The following LMO7 variants were observed in gnomAD, a reference collection of about 807,000 sequenced individuals.
LMO7 encodes LIM domain only protein 7.
In LMO7, 120 loss-of-function variants were observed where a neutral mutation model predicts 206.5. That is an observed-to-expected ratio of 0.58 (90% CI 0.50 to 0.68). The LOEUF is 0.68. LMO7 is among the 30% of genes least tolerant of loss of function. The pLI is 0.00. For synonymous variants in LMO7, 706 were observed against 681.5 expected, an observed-to-expected ratio of 1.04 and a Z score of -0.56; for missense variants, 1,959 against 1,957.9, an observed-to-expected ratio of 1.00 and a Z score of -0.01.
At chr13:75,707,246 C>A (rs2042726370) in intron 1 of LMO7, among the ~76,000 whole-genome samples, 1 of 151,508 alleles carries the variant, frequency 6.6e-6, no homozygotes, top group Non-Finnish European at 1.5e-5. Flanking sequence ...GGAATAATTA[C>A]TGTTAGTATA....
At chr13:75,810,126 C>G (rs2056157130) in intron 11 of LMO7, among the ~76,000 whole-genome samples, 1 of 152,182 alleles carries the variant, frequency 6.6e-6, no homozygotes, top group African/African-American at 2.4e-5. Flanking sequence ...ACTACATTTA[C>G]AGTAAATCAT....
intron 11 of LMO7, among the ~76,000 whole-genome samples, chr13:75,812,194 A>G (rs1049355204): frequency 1.3e-5 from 2 of 152,182 alleles, no homozygotes; most frequent in African/African-American, 4.8e-5. Flanking sequence ...CCCTACAACA[A>G]ATAGTTTTCT....
In LMO7 at chr13:75,817,087, A is replaced by G. The variant is rs553903570; in HGVS notation, c.1947-74A>G. The stretch of plus-strand genomic sequence containing the variant: ...AAATTTAGGTGGAATTTCCAAATTT[A>G]ACTCCAACCTCAGTTTAACCCCTAA... On this transcript the variant is annotated intron_variant, in intron 11 of 30. Coordinates refer to ENST00000377534, the MANE Select transcript of LMO7 (RefSeq NM_001306080.2). 1.4e-5 allele frequency: 14 copies of G among 1,019,780 alleles called. No individual in the cohort carries two copies. In the African/African-American group the frequency reaches 2.3e-4, roughly 16 times the overall value. The allele number at this position is 1,019,780 out of a possible 1,614,324, so 63.2% of individuals were successfully genotyped here.
chr13:75,724,838 AAC>A (rs1480389746), intron 2 of LMO7, among the ~76,000 whole-genome samples: 2 of 152,142 alleles, frequency 1.3e-5, no homozygotes, highest in African/African-American at 4.8e-5. Context: ...AACAAAATAA[AAC>A]AGAGTTTTCC....
intron 4 of LMO7, among the ~76,000 whole-genome samples, chr13:75,771,540 A>G (rs2049670993): frequency 3.3e-5 from 1 of 30,290 alleles, no homozygotes; most frequent in Non-Finnish European, 6.9e-5. Flanking sequence ...TAAAAATAGA[A>G]TTAGTCTTTA....
At chr13:75,824,139 T>C (rs1419836893) in intron 15 of LMO7, among the ~76,000 whole-genome samples, 2 of 152,124 alleles carry the variant, frequency 1.3e-5, no homozygotes, top group Non-Finnish European at 2.9e-5. Flanking sequence ...TTCTCTATAT[T>C]CCATGTTTCA....
intron 1 of LMO7, among the ~76,000 whole-genome samples, chr13:75,707,724 T>C (rs2042763884): frequency 6.6e-6 from 1 of 152,192 alleles, no homozygotes; most frequent in East Asian, 1.9e-4. Flanking sequence ...ATTTAAAACC[T>C]TTGTTTAGTT....
intron 1 of LMO7, among the ~76,000 whole-genome samples, chr13:75,702,043 G>T (rs2042317655): frequency 6.6e-6 from 1 of 152,036 alleles, no homozygotes; most frequent in Admixed American, 6.6e-5. Flanking sequence ...TAAGCTAAAA[G>T]TTGGCTATGG....
chr13:75,681,730 A>ATG (rs1566304877), intron 1 of LMO7, among the ~76,000 whole-genome samples: 1 of 130,320 alleles, frequency 7.7e-6, no homozygotes, highest in Non-Finnish European at 1.6e-5. Flanking sequence ...ATATATATAT[A>ATG]TATATATATA....
intron 4 of LMO7, among the ~76,000 whole-genome samples, chr13:75,767,052 T>A (rs1283613927): frequency 1.3e-5 from 2 of 152,130 alleles, no homozygotes; most frequent in Non-Finnish European, 2.9e-5. Flanking sequence ...TATTACAAGA[T>A]AATCTAAAAC....
At chr13:75,724,967 T>G (rs1011960687) in intron 2 of LMO7, among the ~76,000 whole-genome samples, 1 of 152,164 alleles carries the variant, frequency 6.6e-6, no homozygotes, top group African/African-American at 2.4e-5. Flanking sequence ...AAAGGAATGC[T>G]AATCCATTGT....
At chr13:75,684,769 G>A (rs976099059) in intron 1 of LMO7, among the ~76,000 whole-genome samples, 1 of 151,872 alleles carries the variant, frequency 6.6e-6, no homozygotes, top group Admixed American at 6.6e-5. Context: ...ACATATATAC[G>A]TGTGTGTATA....
At chr13:75,734,230 T>TG (rs2045577233) in intron 3 of LMO7, among the ~76,000 whole-genome samples, 1 of 152,194 alleles carries the variant, frequency 6.6e-6, no homozygotes, top group Non-Finnish European at 1.5e-5. Context: ...TGTCCCAAGG[T>TG]AGCTACTCAG....
intron 1 of LMO7, among the ~76,000 whole-genome samples, chr13:75,691,185 A>G (rs2041444275): frequency 6.6e-6 from 1 of 152,188 alleles, no homozygotes; most frequent in South Asian, 2.1e-4. Flanking sequence ...TGTTTTTCAC[A>G]AAGCTTTAAA....
chr13:75,711,450 G>A (rs2043114074), intron 1 of LMO7, among the ~76,000 whole-genome samples: 1 of 152,152 alleles, frequency 6.6e-6, no homozygotes, highest in African/African-American at 2.4e-5. Flanking sequence ...TGGTTGGTAA[G>A]CTATTAATTA....
intron 1 of LMO7, among the ~76,000 whole-genome samples, chr13:75,652,081 C>CT (rs1252475080): frequency 6.6e-6 from 1 of 151,856 alleles, no homozygotes; most frequent in Non-Finnish European, 1.5e-5. Flanking sequence ...TAGTATTTTG[C>CT]TTTTTTATGA....
intron 8 of LMO7, 78 bp downstream of exon 8, chr13:75,804,619 G>A: frequency 6.8e-7 from 1 of 1,466,328 alleles, no homozygotes; most frequent in Non-Finnish European, 9.2e-7. Flanking sequence ...AAAAAGAATG[G>A]CTCTTAAATG....
At chr13:75,647,233 G>T (rs1053595740) in intron 1 of LMO7, among the ~76,000 whole-genome samples, 1 of 152,186 alleles carries the variant, frequency 6.6e-6, no homozygotes, top group Non-Finnish European at 1.5e-5. Flanking sequence ...GTAAGTGGAT[G>T]AATGAACAAA....
chr13:75,851,500 C>T (rs2060502637), intron 27 of LMO7, among the ~76,000 whole-genome samples: 2 of 152,212 alleles, frequency 1.3e-5, no homozygotes. Flanking sequence ...TCTTCTCCCT[C>T]AGATGCCTTT....
Sources: allele counts gnomAD v4.1 joint callset (sites outside exome capture counted in the v4.1 genomes callset), GRCh38; gene constraint gnomAD v4.1.1; transcripts MANE v1.5; gene names NCBI Gene and HGNC (gene_info 2026-07-23, HGNC 2026-07-21).